The following PRODH2 variants were observed in gnomAD, a reference collection of about 807,000 sequenced individuals.
PRODH2 encodes hydroxyproline dehydrogenase.
PRODH2 carries 49 observed loss-of-function variants against 51.9 expected under a neutral mutation model. The observed-to-expected ratio is 0.94, with a 90% CI of 0.75 to 1.20. The LOEUF is 1.20. Ranked by LOEUF, PRODH2 falls within the 50% of genes most tolerant of loss-of-function variation. PRODH2 has a pLI of 0.00. For missense variants in PRODH2, 597 were observed against 610.9 expected (o/e 0.98, Z 0.24); for synonymous variants, 249 against 260.7 (o/e 0.96, Z 0.43).
chr19:35,810,287 T>A (rs1972587989), intron 4 of PRODH2, among the ~76,000 whole-genome samples: 1 of 144,020 alleles, frequency 6.9e-6, no homozygotes, highest in Non-Finnish European at 1.5e-5. Context: ...ATAATAATAA[T>A]AATAAATAAA....
intron 4 of PRODH2, among the ~76,000 whole-genome samples, chr19:35,810,111 T>C (rs1972584699): frequency 6.7e-6 from 1 of 148,664 alleles, no homozygotes; most frequent in Non-Finnish European, 1.5e-5. Context: ...CTACTAAAAA[T>C]ACAAAAATTA....
At chr19:35,810,382 G>GGA (rs1972590154) in intron 4 of PRODH2, among the ~76,000 whole-genome samples, 1 of 151,976 alleles carries the variant, frequency 6.6e-6, no homozygotes, top group Non-Finnish European at 1.5e-5. Flanking sequence ...TTGGGAGGGT[G>GGA]GAGACACAGA....
At position 35,812,252 on chromosome 19, in the gene PRODH2, T is replaced by C; in HGVS notation, c.392A>G (p.Asn131Ser). ...CACACACCGCAGCATAGCACCGAGG[T>C]TCCCCTCATACCACGCCTCACTGCC... ...AKSGEAWYEG[N>S]LGAMLRCVDL... Residue 131 changes from asparagine to serine, a missense_variant, in exon 3 of 10, where the codon AAC (asparagine) becomes AGC (serine). Coordinates refer to ENST00000653904, the MANE Select transcript of PRODH2 (RefSeq NM_021232.2). 6.2e-7 allele frequency: 1 copy of C among 1,613,356 alleles called. No homozygotes were observed. Among genetic ancestry groups the C allele is most frequent in the Non-Finnish European group, 8.5e-7 (1 of 1,179,928 alleles).
intron 7 of PRODH2, among the ~76,000 whole-genome samples, chr19:35,803,504 C>T (rs1972464659): frequency 6.6e-6 from 1 of 152,264 alleles, no homozygotes; most frequent in African/African-American, 2.4e-5. Context: ...ATCTGCCCGC[C>T]TCAGCCTCCC....
chr19:35,811,814 T>A (rs777211242), intron 4 of PRODH2, 148 bp downstream of exon 4: 56 of 781,822 alleles, frequency 7.2e-5, no homozygotes, highest in Non-Finnish European at 1.1e-4. Flanking sequence ...TTCCATCCAT[T>A]TCAACCATGC....
At chr19:35,805,274 A>G (rs1468981341) in intron 7 of PRODH2, among the ~76,000 whole-genome samples, 1 of 152,036 alleles carries the variant, frequency 6.6e-6, no homozygotes, top group Non-Finnish European at 1.5e-5. Flanking sequence ...GCAAATTATT[A>G]TTATTATTTT....
chr19:35,811,981 T>A lies in PRODH2; in HGVS notation c.578A>T (p.Glu193Val). The A allele has an allele frequency of 6.2e-7, 1 of 1,614,104 alleles. No individual in the cohort carries two copies. Among genetic ancestry groups the A allele is most frequent in the Non-Finnish European group, 8.5e-7 (1 of 1,179,968 alleles). Reference protein sequence around the residue: ...SLELSPERLAEAMDSGQNLQV... With the variant: ...SLELSPERLAVAMDSGQNLQV... ...CCTTACCTGCCCAGAGTCCATAGCT[T>A]CAGCCAGCCTCTCGGGGCTCAGCTC... The change falls in exon 4 of 10, where the codon GAA (glutamate) becomes GTA (valine). Residue 193 changes from glutamate (E) to valine (V), a missense_variant. By Grantham distance (121) the Glu-to-Val change is moderately radical. Coordinates refer to ENST00000653904, the MANE Select transcript of PRODH2 (RefSeq NM_021232.2).
At chr19:35,808,485 G>A (rs1972548536) in intron 4 of PRODH2, among the ~76,000 whole-genome samples, 1 of 152,120 alleles carries the variant, frequency 6.6e-6, no homozygotes, top group African/African-American at 2.4e-5. Context: ...GGGAAGACCT[G>A]GAGGCAGCAG....
At chr19:35,809,421 G>A (rs961676280) in intron 4 of PRODH2, among the ~76,000 whole-genome samples, 5 of 151,992 alleles carry the variant, frequency 3.3e-5, no homozygotes, top group Admixed American at 6.6e-5. Flanking sequence ...ATCTCACTAT[G>A]TTGCCCAGGC....
At chr19:35,804,134 A>C (rs1477162910) in intron 7 of PRODH2, among the ~76,000 whole-genome samples, 1 of 152,182 alleles carries the variant, frequency 6.6e-6, no homozygotes, top group East Asian at 1.9e-4. Context: ...CAACTACAGC[A>C]TAGGGGTCAA....
rs150320258 is a variant in PRODH2 at position 35,802,555 on chromosome 19, G to GTGTTTGTT, written c.1113-287_1113-280dup. 9.8e-4 allele frequency: 511 copies of GTGTTTGTT among 520,438 alleles called. 1 individual carries two copies. Among genetic ancestry groups the GTGTTTGTT allele is most frequent in the African/African-American group, 9.3e-3 (483 of 52,052 alleles). 32.2% of individuals were successfully genotyped at this position (520,438 alleles called of 1,614,324 possible). A position where few individuals can be genotyped will look rare whatever the true frequency, so the allele number is the denominator to read the frequency against. ...ACTTACAGGTATAGCAGGGGTTAATGTGTTTGTTTGTTTGTTTGTTTTAAG... is the reference window on the plus strand; with the variant it reads ...ACTTACAGGTATAGCAGGGGTTAATGTGTTTGTTTGTTTGTTTGTTTGTTTGTTTTAAG... On this transcript the variant is annotated intron_variant, in intron 8 of 9. Transcript: ENST00000653904.
Position 35,806,578 on chromosome 19 carries a change from C to T in PRODH2, c.853G>A (p.Gly285Arg). The change falls in exon 7 of 10, where the codon GGG becomes AGG. Residue 285 changes from glycine (G) to arginine (R), a missense_variant. Coordinates refer to ENST00000653904, the MANE Select transcript of PRODH2 (RefSeq NM_021232.2). ...CTGTGCGCAGCCTCTGCATCCCTCC[C>T]CAGCCGCTCGAATGTGTCCTATAGG... ...ACLKDTFERL[G>R]RDAEAAHRAG... 7 of 1,614,146 alleles carry T rather than the reference C, an allele frequency of 4.3e-6. No individual in the cohort carries two copies. Among genetic ancestry groups the T allele is most frequent in the Non-Finnish European group, 5.9e-6 (7 of 1,180,014 alleles).
In PRODH2 at chr19:35,812,471, C is replaced by T; in HGVS notation, c.260G>A (p.Gly87Asp). 1.2e-6 allele frequency: 2 copies of T among 1,614,256 alleles called. No individual in the cohort carries two copies. The highest frequency in any genetic ancestry group is 1.7e-6 in the Non-Finnish European group (2 of 1,180,034). The change falls in exon 2 of 10, where the codon GGT becomes GAT. Residue 87 changes from glycine (G) to aspartate (D), a missense_variant. Gly to Asp is a moderately conservative substitution (Grantham distance 94, BLOSUM62 -1). Transcript: ENST00000653904. ...GCCCTTCACCTCCTCTGCTGTCTCA[C>T]CAGCCACAAACTGCCCATAGACGGA... ...RASVYGQFVA[G>D]ETAEEVKGCV...
intron 4 of PRODH2, among the ~76,000 whole-genome samples, chr19:35,808,298 AAAG>A (rs1348299096): frequency 2.8e-4 from 42 of 152,220 alleles, no homozygotes; most frequent in African/African-American, 1.0e-3. Flanking sequence ...GGCTGGGTTC[AAAG>A]AAGTTGGGAA....
intron 8 of PRODH2, chr19:35,802,520 A>T: frequency 1.7e-6 from 1 of 573,544 alleles, no homozygotes; most frequent in Non-Finnish European, 3.1e-6. Context: ...TCCATCTGGG[A>T]CCTATAAGGA....
chr19:35,802,244 G>A lies in PRODH2; in HGVS notation c.1145C>T (p.Thr382Ile). The A allele has an allele frequency of 6.2e-7, 1 of 1,614,164 alleles. No individual in the cohort carries two copies. Among genetic ancestry groups the A allele is most frequent in the Non-Finnish European group, 8.5e-7 (1 of 1,180,034 alleles). ...MWELGIPLDG[T>I]VCFGQLLGMC... Reference sequence around the variant, plus strand: ...GCCCAGAAGTTGTCCGAAACAGACAGTCCCATCCAGAGGAATGCCCAGCTC... The same window carrying A: ...GCCCAGAAGTTGTCCGAAACAGACAATCCCATCCAGAGGAATGCCCAGCTC... The change falls in exon 9 of 10, where the codon ACT becomes ATT. Residue 382 changes from threonine to isoleucine, a missense_variant. Coordinates refer to ENST00000653904, the MANE Select transcript of PRODH2 (RefSeq NM_021232.2).
chr19:35,812,565 C>T lies in PRODH2; in HGVS notation c.175-9G>A, dbSNP rs745817061. The stretch of plus-strand genomic sequence containing the variant: ...CGAGACCAGGCCTGGAGCTGGGTGA[C>T]AGGGAGCGAGGGCTCAGCGCCAGGC... On this transcript the variant is annotated splice_polypyrimidine_tract_variant and intron_variant, in intron 1 of 9. Coordinates refer to ENST00000653904, the MANE Select transcript of PRODH2 (RefSeq NM_021232.2). 33 of 1,612,462 alleles carry T rather than the reference C, an allele frequency of 2.0e-5. No homozygotes were observed. Among genetic ancestry groups the T allele is most frequent in the East Asian group, 2.2e-5 (1 of 44,874 alleles).
At position 35,810,291 on chromosome 19, in the gene PRODH2, A is replaced by AATAATAATAAT. The variant is rs766066674; in HGVS notation, c.597+1670_597+1671insATTATTATTAT. 2.7e-3 allele frequency among the ~76,000 whole-genome samples: 382 copies of AATAATAATAAT among 140,794 alleles called. 1 individual carries two copies. Among genetic ancestry groups the AATAATAATAAT allele is most frequent in the African/African-American group, 9.7e-3 (372 of 38,166 alleles). 92.4% of individuals were successfully genotyped at this position (140,794 alleles called of 152,430 possible). ...TAATAATAATAATAATAATAATAAT[A>AATAATAATAAT]AATAAATAGATAAACAAATAAAAAT... On this transcript the variant is annotated intron_variant, in intron 4 of 9. Transcript: ENST00000653904.
chr19:35,809,890 C>T (rs1268981261), intron 4 of PRODH2, among the ~76,000 whole-genome samples: 2 of 124,324 alleles, frequency 1.6e-5, no homozygotes, highest in African/African-American at 6.2e-5. Flanking sequence ...ACCCGGGAGG[C>T]GGAGGTTGCA....
Sources: gnomAD v4.1 joint callset for allele counts (sites outside exome capture counted in the v4.1 genomes callset) on GRCh38, gnomAD v4.1.1 for gene constraint, MANE v1.5 for transcripts, NCBI Gene and HGNC (gene_info 2026-07-23, HGNC 2026-07-21) for gene names.